The following NOTCH2NLR variants were observed in gnomAD, a reference collection of about 807,000 sequenced individuals.
NOTCH2NLR encodes the protein notch 2 N-terminal like R, also known as notch 2 N-terminal like R (pseudogene).
Under a neutral mutation model 35.6 loss-of-function variants are expected in NOTCH2NLR, and 33 were observed. The observed-to-expected ratio is 0.93, with a 90% confidence interval of 0.70 to 1.24. The LOEUF is 1.24. Among genes scored for constraint, NOTCH2NLR ranks in the 50% most tolerant of loss-of-function variants. The pLI, the probability that NOTCH2NLR is intolerant of heterozygous loss-of-function variation, is 0.00. For synonymous variants in NOTCH2NLR, 103 were observed against 141.0 expected (o/e 0.73, Z 1.91); for missense variants, 276 against 362.2 (o/e 0.76, Z 1.93).
intron 1 of NOTCH2NLR, among the ~76,000 whole-genome samples, chr1:120,752,566 TTTTTTTTTC>T (rs1651034932): frequency 4.3e-4 from 11 of 25,446 alleles, no homozygotes; most frequent in Non-Finnish European, 5.6e-4. Context: ...TTTTTTTTTT[TTTTTTTTTC>T]TTTTTTTTTT....
rs1330850621 is a variant in NOTCH2NLR at position 120,737,746 on chromosome 1, G to T, written c.73+13496G>T. 3.8e-4 allele frequency among the ~76,000 whole-genome samples: 48 copies of T among 125,536 alleles called. 10 individuals are homozygous for T. Among genetic ancestry groups the T allele is most frequent in the Non-Finnish European group, 5.5e-4 (34 of 61,482 alleles). 82.4% of individuals were successfully genotyped at this position (125,536 alleles called of 152,430 possible). A position where few individuals can be genotyped will look rare whatever the true frequency, so the allele number is the denominator to read the frequency against. ...TGGTGTCATTAGTGATTCAGAATTG[G>T]ATTAGCCTGGACTGGTGGAGTTACT... On this transcript the variant is annotated intron_variant, in intron 1 of 4. Coordinates refer to ENST00000624419, the Ensembl canonical transcript of NOTCH2NLR.
In NOTCH2NLR at chr1:120,791,365, C is replaced by G. The variant is rs1456056309; in HGVS notation, c.416-1796C>G. On this transcript the variant is annotated intron_variant, in intron 3 of 4. Coordinates refer to ENST00000624419, the Ensembl canonical transcript of NOTCH2NLR. ...ATGCACACGTATGTTTATTGCGGCACTATTCACAATAGCAAAGAGTTGGAA... is the reference window on the plus strand; with the variant it reads ...ATGCACACGTATGTTTATTGCGGCAGTATTCACAATAGCAAAGAGTTGGAA... Among the ~76,000 whole-genome samples the G allele has an allele frequency of 2.8e-5, 3 of 105,472 alleles. 1 individual carries two copies. The highest frequency in any genetic ancestry group is 2.8e-4 in the Admixed American group (3 of 10,706). 69.2% of individuals were successfully genotyped at this position (105,472 alleles called of 152,430 possible).
rs1190628372 is a variant in NOTCH2NLR, at chr1:120,778,434, G to A, written c.156-6540G>A. On this transcript the variant is annotated intron_variant, in intron 2 of 4. Transcript: ENST00000624419. ...AATGAGGAGCAGCTTCAGTGCCGAC[G>A]CAACCCACATGAGACTTTTTTTTCC... is the stretch of plus-strand genomic sequence containing the variant. 7.2e-5 allele frequency among the ~76,000 whole-genome samples: 8 copies of A among 111,702 alleles called. 3 individuals are homozygous for A. The highest frequency in any genetic ancestry group is 2.5e-4 in the South Asian group (1 of 3,926). The allele number at this position is 111,702 out of a possible 152,430, so 73.3% of individuals were successfully genotyped here. A position where few individuals can be genotyped will look rare whatever the true frequency, so the allele number is the denominator to read the frequency against.
rs1651393131 is a variant in NOTCH2NLR, at chr1:120,783,838, A to G, written c.156-1136A>G. Among the ~76,000 whole-genome samples the G allele has an allele frequency of 1.8e-5, 2 of 110,250 alleles. 1 individual carries two copies. Among genetic ancestry groups the G allele is most frequent in the Non-Finnish European group, 3.4e-5 (2 of 58,564 alleles). The allele number at this position is 110,250 out of a possible 152,430, so 72.3% of individuals were successfully genotyped here. A position where few individuals can be genotyped will look rare whatever the true frequency, so the allele number is the denominator to read the frequency against. On this transcript the variant is annotated intron_variant, in intron 2 of 4. Coordinates refer to ENST00000624419, the Ensembl canonical transcript of NOTCH2NLR. ...TTAGACAGAGGGAGTCATAGAAGCC[A>G]AGGTAAAATGATTAAAACGGTACAT...
intron 1 of NOTCH2NLR, among the ~76,000 whole-genome samples, chr1:120,752,534 ATATATATATATATATATATAT>A (rs1651028810): frequency 7.2e-5 from 1 of 13,948 alleles, no homozygotes; most frequent in African/African-American, 4.0e-4. Flanking sequence ...ATATATATAT[ATATATATATATATATATATAT>A]TTTTTTTTTT....
At chr1:120,789,851 G>C (rs1651464143) in intron 3 of NOTCH2NLR, among the ~76,000 whole-genome samples, 1 of 44,202 alleles carries the variant, frequency 2.3e-5, no homozygotes, top group South Asian at 4.6e-4. Context: ...AAGTAGGGGG[G>C]CATATACCCA....
In NOTCH2NLR at chr1:120,754,750, G is replaced by T. The variant is rs1426465069; in HGVS notation, c.74-8878G>T. On this transcript the variant is annotated intron_variant, in intron 1 of 4. Coordinates refer to ENST00000624419, the Ensembl canonical transcript of NOTCH2NLR. ...TTATAGGAGGCTAAGAGTGGAGAGT[G>T]TATCTTCCTTCAAACAAATGGTAAG... 3.5e-5 allele frequency among the ~76,000 whole-genome samples: 4 copies of T among 115,820 alleles called. 1 individual carries two copies. The highest frequency in any genetic ancestry group is 8.2e-5 in the Admixed American group (1 of 12,138). The allele number at this position is 115,820 out of a possible 152,430, so 76.0% of individuals were successfully genotyped here. A position where few individuals can be genotyped will look rare whatever the true frequency, so the allele number is the denominator to read the frequency against.
intron 2 of NOTCH2NLR, among the ~76,000 whole-genome samples, chr1:120,779,543 C>G: frequency 8.3e-6 from 1 of 120,350 alleles, no homozygotes; most frequent in African/African-American, 3.8e-5. Flanking sequence ...AATAAACTCC[C>G]TACAGGAGGG....
chr1:120,728,018 CAG>C (rs1472344500), intron 1 of NOTCH2NLR, among the ~76,000 whole-genome samples: 1 of 118,934 alleles, frequency 8.4e-6, no homozygotes, highest in Non-Finnish European at 1.6e-5. Flanking sequence ...TTCATGGTCA[CAG>C]AGCCAATTAG....
rs1370553281 is a variant in NOTCH2NLR, at chr1:120,791,325, C to G, written c.416-1836C>G. ...TATACCCAAAGAATTATAAATCGTG[C>G]TGCTATAAAGACACATGCACACGTA... On this transcript the variant is annotated intron_variant, in intron 3 of 4. Coordinates refer to ENST00000624419, the Ensembl canonical transcript of NOTCH2NLR. Among the ~76,000 whole-genome samples, 3 of 91,636 alleles carry G rather than the reference C, an allele frequency of 3.3e-5. 1 individual carries two copies. The highest frequency in any genetic ancestry group is 5.9e-5 in the Non-Finnish European group (3 of 50,892). 60.1% of individuals were successfully genotyped at this position (91,636 alleles called of 152,430 possible).
At chr1:120,790,348 G>C (rs1310305718) in intron 3 of NOTCH2NLR, among the ~76,000 whole-genome samples, 2 of 113,246 alleles carry the variant, frequency 1.8e-5, no homozygotes, top group Admixed American at 1.7e-4. Context: ...TGCTATTTTT[G>C]TCTATCACTT....
In NOTCH2NLR at chr1:120,784,796, C is replaced by T. The variant is rs1268064916; in HGVS notation, c.156-178C>T. On this transcript the variant is annotated intron_variant, in intron 2 of 4. Transcript: ENST00000624419. ...CAGGACTCAAAAGGACATGGGAGTA[C>T]GTGGTTAAGTTCTCTAAGGACTCTT... Among the ~76,000 whole-genome samples, 15 of 118,646 alleles carry T rather than the reference C, an allele frequency of 1.3e-4. 5 individuals are homozygous for T. Among genetic ancestry groups the T allele is most frequent in the South Asian group, 7.2e-4 (3 of 4,138 alleles). The allele number at this position is 118,646 out of a possible 152,430, so 77.8% of individuals were successfully genotyped here.
chr1:120,724,119 G>A lies in NOTCH2NLR; in HGVS notation c.-59G>A. The A allele has an allele frequency of 7.4e-7, 1 of 1,349,682 alleles. No individual in the cohort carries two copies. The highest frequency in any genetic ancestry group is 9.6e-7 in the Non-Finnish European group (1 of 1,041,688). 83.6% of individuals were successfully genotyped at this position (1,349,682 alleles called of 1,614,324 possible). ...TCTATCGGGACCCCCTCCCCATGTGGATCTGCCCAGGCGGCGGCGGCGGCG... is the reference window on the plus strand; with the variant it reads ...TCTATCGGGACCCCCTCCCCATGTGAATCTGCCCAGGCGGCGGCGGCGGCG... On this transcript the variant is annotated 5_prime_UTR_variant, in exon 1 of 5. It introduces an in-frame stop codon into an upstream open reading frame of the 5' UTR. Transcript: ENST00000624419.
At chr1:120,730,488 G>A (rs1353853152) in intron 1 of NOTCH2NLR, among the ~76,000 whole-genome samples, 1 of 77,110 alleles carries the variant, frequency 1.3e-5, no homozygotes, top group Non-Finnish European at 2.2e-5. Flanking sequence ...ATAGGAAGAA[G>A]GAAGTGGCTT....
chr1:120,724,030 T>C lies in NOTCH2NLR; in HGVS notation c.-148T>C, dbSNP rs1317164069. The C allele has an allele frequency of 1.1e-4, 139 of 1,245,984 alleles. 49 individuals are homozygous for C. In the African/African-American group the frequency reaches 3.9e-3, roughly 35 times the overall value. 77.2% of individuals were successfully genotyped at this position (1,245,984 alleles called of 1,614,324 possible). ...GAGTCGAGGCATTTGCACCTGGGCT[T>C]CGGAGCGTAGCGCCAGGGCCTGAGC... On this transcript the variant is annotated 5_prime_UTR_variant, in exon 1 of 5. Transcript: ENST00000624419.
At chr1:120,756,515 AAT>A (rs2101393414) in intron 1 of NOTCH2NLR, among the ~76,000 whole-genome samples, 1 of 117,000 alleles carries the variant, frequency 8.5e-6, no homozygotes, top group East Asian at 2.1e-4. Flanking sequence ...ATATGAAAAA[AAT>A]CATGTGAGAT....
chr1:120,760,555 A>G (rs1651126102), intron 1 of NOTCH2NLR, among the ~76,000 whole-genome samples: 1 of 38,674 alleles, frequency 2.6e-5, no homozygotes, highest in Non-Finnish European at 5.2e-5. Flanking sequence ...TCTTTTCAAT[A>G]AACTGATTTA....
intron 1 of NOTCH2NLR, among the ~76,000 whole-genome samples, chr1:120,752,552 ATAT>A (rs1457603659): frequency 2.2e-4 from 2 of 8,976 alleles, no homozygotes; most frequent in Non-Finnish European, 3.4e-4. Flanking sequence ...ATATATATAT[ATAT>A]TTTTTTTTTT....
chr1:120,779,397 G>A (rs1277564409), intron 2 of NOTCH2NLR, among the ~76,000 whole-genome samples: 1 of 104,514 alleles, frequency 9.6e-6, no homozygotes, highest in Non-Finnish European at 1.9e-5. Flanking sequence ...GTTTAAAATG[G>A]AAAAATGCTC....
Sources: gnomAD v4.1 joint callset for allele counts (sites outside exome capture counted in the v4.1 genomes callset) on GRCh38, gnomAD v4.1.1 for gene constraint, MANE v1.5 for transcripts, NCBI Gene and HGNC (gene_info 2026-07-23, HGNC 2026-07-21) for gene names.